The following TTLL13 variants were observed in gnomAD, a reference collection of about 807,000 sequenced individuals.
The protein encoded by TTLL13 is tubulin tyrosine ligase like 13, also known as tubulin polyglutamylase TTLL13.
the TTLL13 span, chr15:90,256,003 T>G: frequency 6.4e-6 from 10 of 1,567,216 alleles, no homozygotes; most frequent in African/African-American, 1.4e-4. Flanking sequence ...TGAGAAAGTT[T>G]CAGCTGGTCA....
At chr15:90,253,720 C>T in the TTLL13 span, among the ~76,000 whole-genome samples, 3 of 152,180 alleles carry the variant, frequency 2.0e-5, no homozygotes, top group African/African-American at 7.2e-5. Context: ...ATGATCCAGC[C>T]TTCTAAGCAA....
At chr15:90,263,641 G>T in the TTLL13 span, 6 of 598,738 alleles carry the variant, frequency 1.0e-5, no homozygotes, top group Non-Finnish European at 1.5e-5. Context: ...TTAAATAGTG[G>T]CCGCGGCCTA....
the TTLL13 span, chr15:90,257,745 C>T: frequency 6.2e-7 from 1 of 1,606,652 alleles, no homozygotes; most frequent in African/African-American, 1.3e-5. Context: ...CTGTTTTCTC[C>T]TGCTTCCTCT....
the TTLL13 span, chr15:90,258,793 A>G: frequency 6.2e-7 from 1 of 1,614,174 alleles, no homozygotes; most frequent in Non-Finnish European, 8.5e-7. Flanking sequence ...ATCAAGAAGT[A>G]AAGGATGCAC....
the TTLL13 span, among the ~76,000 whole-genome samples, chr15:90,252,479 C>T: frequency 6.6e-6 from 1 of 152,346 alleles, no homozygotes; most frequent in South Asian, 2.1e-4. Context: ...CCATGCCAGA[C>T]CCTTCCCAGA....
At chr15:90,263,533 T>C in the TTLL13 span, 1 of 550,426 alleles carries the variant, frequency 1.8e-6, no homozygotes, top group African/African-American at 1.9e-5. Flanking sequence ...AGTAAACAGA[T>C]TTGGGCCAAC....
the TTLL13 span, among the ~76,000 whole-genome samples, chr15:90,254,556 G>A: frequency 7.3e-6 from 1 of 137,898 alleles, no homozygotes; most frequent in Non-Finnish European, 1.6e-5. Context: ...AATGCAGGCT[G>A]GGCACGGTGG....
chr15:90,264,779 C>G, the TTLL13 span: 2 of 1,536,088 alleles, frequency 1.3e-6, no homozygotes, highest in Non-Finnish European at 1.7e-6. Context: ...ATCAGTGCCA[C>G]CCACTTTAAC....
chr15:90,256,196 A>G, the TTLL13 span: 1 of 1,614,202 alleles, frequency 6.2e-7, no homozygotes, highest in Non-Finnish European at 8.5e-7. Flanking sequence ...ATATATCTGC[A>G]AGCCAGACAG....
chr15:90,256,595 TTC>T, the TTLL13 span, among the ~76,000 whole-genome samples: 8 of 37,910 alleles, frequency 2.1e-4, no homozygotes, highest in Non-Finnish European at 3.1e-4. Context: ...CTTTCTTTCT[TTC>T]TTTCTTTCTT....
chr15:90,258,103 AC>A, the TTLL13 span: 1 of 1,614,110 alleles, frequency 6.2e-7, no homozygotes, highest in Non-Finnish European at 8.5e-7. Context: ...CTGTGGGGGG[AC>A]ATCGAGGACA....
the TTLL13 span, among the ~76,000 whole-genome samples, chr15:90,254,491 T>TAA: frequency 1.2e-5 from 1 of 84,238 alleles, no homozygotes; most frequent in African/African-American, 4.3e-5. Flanking sequence ...AGACTCCATC[T>TAA]AAAAAAAAAA....
chr15:90,261,916 AG>A, the TTLL13 span: 1 of 1,090,398 alleles, frequency 9.2e-7, no homozygotes. Context: ...AGAAGCCAGC[AG>A]GAGGGTCTCC....
the TTLL13 span, chr15:90,251,738 G>A: frequency 1.3e-6 from 1 of 785,390 alleles, no homozygotes; most frequent in African/African-American, 1.7e-5. Context: ...AGCTTCCTAG[G>A]TGTCCTCTGC....
chr15:90,265,084 G>C, the TTLL13 span: 3 of 1,347,230 alleles, frequency 2.2e-6, no homozygotes, highest in Non-Finnish European at 3.0e-6. Flanking sequence ...GCCCTGCCCA[G>C]GAACCCCATT....
chr15:90,265,365 G>A, the TTLL13 span: 294 of 1,229,018 alleles, frequency 2.4e-4, 1 homozygote, highest in African/African-American at 4.1e-3. Flanking sequence ...ACTGCCGAGC[G>A]GAAGCCCTGC....
chr15:90,257,129 T>G, the TTLL13 span: 1 of 1,611,124 alleles, frequency 6.2e-7, no homozygotes. Flanking sequence ...TGGGTTTGCA[T>G]GCTCCCAGCC....
the TTLL13 span, among the ~76,000 whole-genome samples, chr15:90,256,589 CTTTCTTTCTTTCT>C: frequency 8.9e-4 from 31 of 34,894 alleles, no homozygotes; most frequent in Admixed American, 1.6e-3. Context: ...TTCTTTCTTT[CTTTCTTTCTTTCT>C]TTCTTTCCTT....
At chr15:90,254,078 G>A in the TTLL13 span, among the ~76,000 whole-genome samples, 10 of 152,284 alleles carry the variant, frequency 6.6e-5, no homozygotes, top group African/African-American at 2.4e-4. Context: ...GGGAGGCCAA[G>A]GCAGGTGGAT....
Sources: allele counts gnomAD v4.1 joint callset (sites outside exome capture counted in the v4.1 genomes callset), GRCh38; gene constraint gnomAD v4.1.1; transcripts MANE v1.5; gene names NCBI Gene and HGNC (gene_info 2026-07-23, HGNC 2026-07-21).